The following PCDH15 variants were observed in gnomAD, a reference collection of about 807,000 sequenced individuals.
The protein encoded by PCDH15 is protocadherin related 15, also known as protocadherin-15.
Under a neutral mutation model 178.5 loss-of-function variants are expected in PCDH15, and 129 were observed. The ratio of observed to expected loss-of-function variants is 0.72; its 90% CI spans 0.63 to 0.84. The LOEUF (loss-of-function observed/expected upper bound fraction) is 0.84. Among genes scored for constraint, PCDH15 ranks in the 40% least tolerant of loss-of-function variants. The pLI is 0.00. For synonymous variants in PCDH15, 800 were observed against 732.0 expected, an observed-to-expected ratio of 1.09 and a Z score of -1.50; for missense variants, 2,230 against 2,099.9, an observed-to-expected ratio of 1.06 and a Z score of -1.21.
intron 5 of PCDH15, among the ~76,000 whole-genome samples, chr10:54,352,516 A>T (rs982899502): frequency 3.5e-4 from 54 of 152,186 alleles, no homozygotes; most frequent in Non-Finnish European, 4.4e-5. Flanking sequence ...TCTGAAGGAT[A>T]CTGAATTTTA....
At chr10:55,320,404 G>GGCCA (rs1843858410), upstream of PCDH15, among the ~76,000 whole-genome samples, 2 of 150,650 alleles carry the variant, frequency 1.3e-5, no homozygotes, top group Non-Finnish European at 2.9e-5. Context: ...CCTGCATAGA[G>GGCCA]GCCAGTACTG....
intron 1 of PCDH15, among the ~76,000 whole-genome samples, chr10:55,256,552 G>A (rs1842003157): frequency 6.6e-6 from 1 of 152,194 alleles, no homozygotes; most frequent in South Asian, 2.1e-4. Context: ...CAATGGTCTT[G>A]GCAAACGGCA....
chr10:55,278,974 A>G (rs577257976), intron 1 of PCDH15, among the ~76,000 whole-genome samples: 2 of 152,250 alleles, frequency 1.3e-5, no homozygotes, highest in South Asian at 2.1e-4. Context: ...TTGATTCTCA[A>G]ACTTCATTTT....
chr10:53,859,501 C>A (rs2078966224), intron 27 of PCDH15, among the ~76,000 whole-genome samples: 2 of 152,102 alleles, frequency 1.3e-5, no homozygotes, highest in Non-Finnish European at 2.9e-5. Flanking sequence ...GCATGTGCTT[C>A]AACCCACCTT....
chr10:54,311,605 G>T (rs1037374063), intron 8 of PCDH15, among the ~76,000 whole-genome samples: 1 of 151,960 alleles, frequency 6.6e-6, no homozygotes, highest in Non-Finnish European at 1.5e-5. Flanking sequence ...CCTCAACGTA[G>T]TTTGGCATAC....
At chr10:53,926,725 A>T (rs1378855705) in intron 25 of PCDH15, among the ~76,000 whole-genome samples, 1 of 152,230 alleles carries the variant, frequency 6.6e-6, no homozygotes, top group Non-Finnish European at 1.5e-5. Flanking sequence ...TTGGCTCAGA[A>T]TAAATTGCTT....
At chr10:55,443,535 G>T (rs1359942550) in intron 2 of PCDH15, among the ~76,000 whole-genome samples, 1 of 152,114 alleles carries the variant, frequency 6.6e-6, no homozygotes, top group Non-Finnish European at 1.5e-5. Context: ...TGAAATAAAA[G>T]CTCATCATCA....
At chr10:54,447,331 G>T (rs975713440) in intron 3 of PCDH15, among the ~76,000 whole-genome samples, 25 of 151,492 alleles carry the variant, frequency 1.7e-4, no homozygotes, top group African/African-American at 5.8e-4. Context: ...TCAATTTTTT[G>T]AACTTATTCC....
At chr10:54,451,886 G>T (rs1441442858) in intron 3 of PCDH15, among the ~76,000 whole-genome samples, 2 of 151,888 alleles carry the variant, frequency 1.3e-5, no homozygotes, top group African/African-American at 2.4e-5. Context: ...ACTCATGCCA[G>T]ACTTCAGGCA....
intron 20 of PCDH15, among the ~76,000 whole-genome samples, chr10:54,009,059 A>G (rs1021538580): frequency 8.5e-5 from 13 of 152,108 alleles, no homozygotes; most frequent in Non-Finnish European, 5.9e-5. Context: ...GCAATCCATA[A>G]TTTTGTCTTG....
At chr10:54,192,997 A>G (rs888778798) in intron 11 of PCDH15, among the ~76,000 whole-genome samples, 1 of 152,312 alleles carries the variant, frequency 6.6e-6, no homozygotes, top group Non-Finnish European at 1.5e-5. Context: ...TTATACAGCT[A>G]TTACATGACA....
chr10:54,785,358 A>T (rs1328407777), intron 1 of PCDH15, among the ~76,000 whole-genome samples: 1 of 151,892 alleles, frequency 6.6e-6, no homozygotes, highest in Non-Finnish European at 1.5e-5. Flanking sequence ...TTTCTTTCAC[A>T]ATCCCCTCCT....
At chr10:54,681,294 T>C (rs1413904004) in intron 1 of PCDH15, among the ~76,000 whole-genome samples, 1 of 152,130 alleles carries the variant, frequency 6.6e-6, no homozygotes, top group Non-Finnish European at 1.5e-5. Flanking sequence ...CATAGATTGA[T>C]ATGAATGAAT....
intron 11 of PCDH15, among the ~76,000 whole-genome samples, chr10:54,190,319 TG>T (rs1297989105): frequency 6.6e-6 from 1 of 152,198 alleles, no homozygotes; most frequent in African/African-American, 2.4e-5. Flanking sequence ...ATGCTGATAT[TG>T]TATGAGGTGG....
chr10:54,530,679 C>G (rs2083813625), intron 2 of PCDH15, among the ~76,000 whole-genome samples: 1 of 152,144 alleles, frequency 6.6e-6, no homozygotes. Context: ...TTTTCTCCTG[C>G]TACAGTACCC....
At chr10:55,433,267 C>T (rs1449746770) in intron 2 of PCDH15, among the ~76,000 whole-genome samples, 1 of 152,044 alleles carries the variant, frequency 6.6e-6, no homozygotes, top group African/African-American at 2.4e-5. Context: ...ACTACACAAT[C>T]GTAATAAAGA....
At chr10:54,137,286 G>A (rs2042988950) in intron 14 of PCDH15, among the ~76,000 whole-genome samples, 1 of 151,978 alleles carries the variant, frequency 6.6e-6, no homozygotes, top group Admixed American at 6.6e-5. Flanking sequence ...CCAGTATGAT[G>A]CAGATAAATC....
At chr10:54,684,937 T>C (rs1481503056) in intron 1 of PCDH15, among the ~76,000 whole-genome samples, 2 of 151,970 alleles carry the variant, frequency 1.3e-5, no homozygotes, top group Non-Finnish European at 2.9e-5. Context: ...AATTTTTAAC[T>C]TTTTTAGCTT....
At chr10:55,037,585 A>C (rs11004691) in intron 2 of PCDH15, among the ~76,000 whole-genome samples, 1 of 152,128 alleles carries the variant, frequency 6.6e-6, no homozygotes, top group Admixed American at 6.5e-5. Flanking sequence ...CCATAGTAAA[A>C]TGTCTTTACA....
Sources: allele counts gnomAD v4.1 joint callset (sites outside exome capture counted in the v4.1 genomes callset), GRCh38; gene constraint gnomAD v4.1.1; transcripts MANE v1.5; gene names NCBI Gene and HGNC (gene_info 2026-07-23, HGNC 2026-07-21).